KIAA0586: variants seen among roughly 807,000 people sequenced by gnomAD.
KIAA0586 encodes KIAA0586.
A neutral mutation model predicts 169.8 loss-of-function variants in KIAA0586; 144 were observed. The observed-to-expected ratio is 0.85, with a 90% confidence interval of 0.74 to 0.97. KIAA0586 has a LOEUF of 0.97. KIAA0586 is among the 50% of genes least tolerant of loss of function. The probability of loss-of-function intolerance (pLI) is 0.00; values close to 1 mark genes in which losing one functional copy is unlikely to be tolerated. For synonymous variants in KIAA0586, 625 were observed against 612.4 expected (o/e 1.02, Z -0.30); for missense variants, 1,854 against 1,823.0 (o/e 1.02, Z -0.31).
In KIAA0586 at chr14:58,429,077, C is replaced by T. The variant is rs78665957; in HGVS notation, c.200-286C>T. 9.7e-3 allele frequency among the ~76,000 whole-genome samples: 1,470 copies of T among 152,316 alleles called. 23 individuals carry two copies. Among genetic ancestry groups the T allele is most frequent in the African/African-American group, 0.034 (1,396 of 41,574 alleles). On this transcript the variant is annotated intron_variant, in intron 1 of 30. Coordinates refer to ENST00000652326, the MANE Select transcript of KIAA0586 (RefSeq NM_001329943.3). ...AGACCTTTACATCGTATACATATTT[C>T]TACCCATAGTTTGTCCACATCCAAT...
chr14:58,483,037 A>G (rs1025729415), intron 21 of KIAA0586, among the ~76,000 whole-genome samples: 2 of 152,220 alleles, frequency 1.3e-5, no homozygotes, highest in African/African-American at 4.8e-5. Flanking sequence ...AGTGTGATAA[A>G]ATGAACATCT....
downstream of KIAA0586, among the ~76,000 whole-genome samples, chr14:58,555,099 C>CTTTTTTTTTTTTT (rs35845234): frequency 1.2e-4 from 12 of 102,552 alleles, no homozygotes; most frequent in East Asian, 2.7e-4. Flanking sequence ...TTCTTTCTTT[C>CTTTTTTTTTTTTT]TTTTTTTTTT....
chr14:58,543,131 C>CAAAAA (rs35632146), intron 30 of KIAA0586, among the ~76,000 whole-genome samples: 3 of 119,928 alleles, frequency 2.5e-5, no homozygotes, highest in Non-Finnish European at 3.5e-5. Context: ...GATTACGTCT[C>CAAAAA]AAAAAAAAAA....
intron 6 of KIAA0586, among the ~76,000 whole-genome samples, chr14:58,444,753 A>G (rs1322243746): frequency 6.6e-6 from 1 of 151,886 alleles, no homozygotes; most frequent in East Asian, 1.9e-4. Flanking sequence ...TCATATTGCA[A>G]CTATTGGTTT....
intron 30 of KIAA0586, chr14:58,544,047 G>T (rs1024230972): frequency 8.1e-6 from 3 of 368,100 alleles, no homozygotes; most frequent in African/African-American, 2.2e-5. Context: ...AGATCCCAGT[G>T]TTTGTTGTTT....
chr14:58,448,740 A>AT (rs1275968259), intron 7 of KIAA0586, among the ~76,000 whole-genome samples: 3 of 151,944 alleles, frequency 2.0e-5, no homozygotes, highest in African/African-American at 7.2e-5. Context: ...TTATTTTGAA[A>AT]TTTTTTAAAT....
At chr14:58,505,579 C>T (rs531657158) in intron 27 of KIAA0586, among the ~76,000 whole-genome samples, 3 of 152,262 alleles carry the variant, frequency 2.0e-5, no homozygotes, top group East Asian at 1.9e-4. Flanking sequence ...TTATTTTTAT[C>T]GGCAATTTAT....
At chr14:58,464,423 TA>T (rs59548816) in intron 14 of KIAA0586, among the ~76,000 whole-genome samples, 138,598 of 148,122 alleles carry the variant, frequency 0.94, 65,324 homozygotes, top group East Asian at 1. Flanking sequence ...TTCCTGCATT[TA>T]AAAAAAAAAA....
Position 58,547,888 on chromosome 14 carries a change from A to G in KIAA0586, c.4603A>G (p.Thr1535Ala). 6.2e-7 allele frequency: 1 copy of G among 1,613,788 alleles called. No individual in the cohort carries two copies. The highest frequency in any genetic ancestry group is 8.5e-7 in the Non-Finnish European group (1 of 1,179,762). Residue 1535 changes from threonine (T) to alanine (A), a missense_variant, in exon 31 of 31, where the codon ACA (threonine) becomes GCA (alanine). By Grantham distance (58) the Thr-to-Ala change is moderately conservative (BLOSUM62 0). Transcript: ENST00000652326. ...CTGCTCTCAGTCTCTGAGTCTCAGC[A>G]CAATGCAGGAGGACATGGAGTCTTC... ...EDCSQSLSLSTMQEDMESSGA... is the reference protein window; with the variant it reads ...EDCSQSLSLSAMQEDMESSGA...
intron 25 of KIAA0586, among the ~76,000 whole-genome samples, 165 bp downstream of exon 25, chr14:58,490,405 CTTATAA>C (rs1157484283): frequency 6.6e-6 from 1 of 151,988 alleles, no homozygotes; most frequent in Non-Finnish European, 1.5e-5. Context: ...ATTATGTAAT[CTTATAA>C]TTATGAGAAT....
chr14:58,444,181 T>A lies in KIAA0586; in HGVS notation c.807+6T>A. The stretch of plus-strand genomic sequence containing the variant: ...AACAACAAATAGATATTCAGGTATC[T>A]GTAATAAATCCAGTACAGATTCCAT... On this transcript the variant is annotated splice_donor_region_variant and intron_variant, in intron 6 of 30. Coordinates refer to ENST00000652326, the MANE Select transcript of KIAA0586 (RefSeq NM_001329943.3). 1 of 1,566,428 alleles carries A rather than the reference T, an allele frequency of 6.4e-7. No individual in the cohort carries two copies. The highest frequency in any genetic ancestry group is 8.8e-7 in the Non-Finnish European group (1 of 1,138,192).
chr14:58,557,710 C>G, the KIAA0586 span, among the ~76,000 whole-genome samples: 1 of 152,058 alleles, frequency 6.6e-6, no homozygotes, highest in Non-Finnish European at 1.5e-5. Context: ...TGTGAAGCTT[C>G]TCTCAGCCAA....
intron 30 of KIAA0586, among the ~76,000 whole-genome samples, chr14:58,540,355 A>G (rs567461207): frequency 6.6e-6 from 1 of 152,360 alleles, no homozygotes; most frequent in Admixed American, 6.5e-5. Flanking sequence ...CGCTTTGGAA[A>G]GTTTATAAAA....
intron 29 of KIAA0586, among the ~76,000 whole-genome samples, chr14:58,512,858 G>A (rs918871719): frequency 2.6e-5 from 4 of 152,004 alleles, no homozygotes; most frequent in African/African-American, 9.7e-5. Context: ...CTTAGCTGGT[G>A]TCTTTCCTTT....
chr14:58,514,280 A>C (rs904992775), intron 29 of KIAA0586, among the ~76,000 whole-genome samples: 10 of 152,174 alleles, frequency 6.6e-5, no homozygotes, highest in African/African-American at 2.2e-4. Flanking sequence ...CAGAGTGCCA[A>C]AATAATTCTC....
rs1216463371 is a variant in KIAA0586, at chr14:58,546,733, A to G, written c.4496-1048A>G. Among the ~76,000 whole-genome samples the G allele has an allele frequency of 3.9e-5, 6 of 152,316 alleles. No individual in the cohort carries two copies. The East Asian group carries it at 5.8e-4, about 15-fold the overall frequency. ...ACGTAGTCAACTTTGAATTTTTTAC[A>G]TATTAATGAATTATTTATCCCAAAC... On this transcript the variant is annotated intron_variant, in intron 30 of 30. Transcript: ENST00000652326.
intron 25 of KIAA0586, 107 bp from the exon 26 acceptor site, chr14:58,492,037 T>C (rs1221208454): frequency 1.2e-6 from 1 of 825,252 alleles, no homozygotes; most frequent in Non-Finnish European, 1.8e-6. Context: ...CCAAAAATGC[T>C]AATATCATCA....
intron 20 of KIAA0586, among the ~76,000 whole-genome samples, chr14:58,477,477 T>C (rs2041729605): frequency 2.0e-5 from 3 of 152,216 alleles, no homozygotes; most frequent in Non-Finnish European, 4.4e-5. Context: ...ATCTCTTTGT[T>C]ATCCCCATAG....
In KIAA0586 at chr14:58,548,008, C is replaced by T. The variant is rs764864914; in HGVS notation, c.*76C>T. 15 of 1,488,446 alleles carry T rather than the reference C, an allele frequency of 1.0e-5. No homozygotes were observed. Among genetic ancestry groups the T allele is most frequent in the Non-Finnish European group, 1.2e-5 (13 of 1,104,764 alleles). 92.2% of individuals were successfully genotyped at this position (1,488,446 alleles called of 1,614,324 possible). A position where few individuals can be genotyped will look rare whatever the true frequency, so the allele number is the denominator to read the frequency against. ...TTTACCTTGGCTTAAAACCCTCTCT[C>T]AGACTGTTTGGTTTTTGAGCATATT... On this transcript the variant is annotated 3_prime_UTR_variant, in exon 31 of 31. Coordinates refer to ENST00000652326, the MANE Select transcript of KIAA0586 (RefSeq NM_001329943.3).
Sources: gnomAD v4.1 joint callset for allele counts (sites outside exome capture counted in the v4.1 genomes callset) on GRCh38, gnomAD v4.1.1 for gene constraint, MANE v1.5 for transcripts, NCBI Gene and HGNC (gene_info 2026-07-23, HGNC 2026-07-21) for gene names.